The following RALYL variants were observed in gnomAD, a reference collection of about 807,000 sequenced individuals.
RALYL encodes the protein RNA-binding Raly-like protein.
Under a neutral mutation model 35.1 loss-of-function variants are expected in RALYL, and 29 were observed. The ratio of observed to expected loss-of-function variants is 0.83; its 90% CI spans 0.61 to 1.13. The LOEUF (loss-of-function observed/expected upper bound fraction) is 1.13. Ranked by LOEUF, RALYL falls within the 50% of genes most tolerant of loss-of-function variation. The pLI is 0.00. For missense variants in RALYL, 359 were observed against 360.4 expected (o/e 1.00, Z 0.03); for synonymous variants, 120 against 127.6 (o/e 0.94, Z 0.40).
intron 4 of RALYL, among the ~76,000 whole-genome samples, chr8:84,843,815 A>C (rs1201595130): frequency 6.6e-6 from 1 of 152,216 alleles, no homozygotes; most frequent in East Asian, 1.9e-4. Flanking sequence ...ATAATGCCGC[A>C]TAGCTACAAC....
chr8:84,839,140 G>A (rs771753615), intron 4 of RALYL, among the ~76,000 whole-genome samples: 6 of 152,152 alleles, frequency 3.9e-5, no homozygotes, highest in African/African-American at 9.7e-5. Flanking sequence ...TGAGTGCAGC[G>A]CACTGAGTGT....
rs550561153 is a variant in RALYL at position 84,534,624 on chromosome 8, T to C, written c.256+5047T>C. 1.4e-4 allele frequency among the ~76,000 whole-genome samples: 22 copies of C among 152,164 alleles called. No homozygotes were observed. The South Asian group carries it at 3.9e-3, about 27-fold the overall frequency. On this transcript the variant is annotated intron_variant, in intron 2 of 8. Transcript: ENST00000521268. ...ATAGATGGTTAGTAGGAGGAATGGA[T>C]GGACTTGGCTAAAGGGGTCCCTCAC...
At chr8:84,692,588 AAATT>A (rs748797755) in intron 2 of RALYL, among the ~76,000 whole-genome samples, 44 of 152,204 alleles carry the variant, frequency 2.9e-4, no homozygotes, top group South Asian at 1.0e-3. Flanking sequence ...TATTTCTCAC[AAATT>A]AATCTGTAGA....
chr8:84,303,937 T>C (rs1356477081), intron 1 of RALYL, among the ~76,000 whole-genome samples: 1 of 152,124 alleles, frequency 6.6e-6, no homozygotes, highest in Non-Finnish European at 1.5e-5. Context: ...ATAAAACTAA[T>C]GGGAACTTTC....
At chr8:84,534,295 T>C (rs1368239913) in intron 2 of RALYL, among the ~76,000 whole-genome samples, 1 of 152,222 alleles carries the variant, frequency 6.6e-6, no homozygotes, top group African/African-American at 2.4e-5. Flanking sequence ...CTTCCCCACT[T>C]AATCCCTTTT....
At chr8:84,292,002 AACAT>A (rs1387221789) in intron 1 of RALYL, among the ~76,000 whole-genome samples, 3 of 151,264 alleles carry the variant, frequency 2.0e-5, no homozygotes, top group African/African-American at 4.8e-5. Context: ...CTATATGTGG[AACAT>A]ACATATATAT....
chr8:84,415,808 C>T (rs1217837978), intron 1 of RALYL, among the ~76,000 whole-genome samples: 1 of 152,058 alleles, frequency 6.6e-6, no homozygotes, highest in African/African-American at 2.4e-5. Flanking sequence ...CTTAGTGTTT[C>T]TGTATTTGTA....
At chr8:84,506,733 G>A (rs1017609888) in intron 1 of RALYL, among the ~76,000 whole-genome samples, 1 of 151,792 alleles carries the variant, frequency 6.6e-6, no homozygotes, top group African/African-American at 2.4e-5. Flanking sequence ...TAATATCCCT[G>A]TACTGAGTTT....
At chr8:84,346,852 C>T (rs1849927345) in intron 1 of RALYL, among the ~76,000 whole-genome samples, 2 of 152,030 alleles carry the variant, frequency 1.3e-5, no homozygotes, top group African/African-American at 4.8e-5. Flanking sequence ...TAAGACCATA[C>T]ACAAATAAGT....
At chr8:84,350,898 G>C (rs967862427) in intron 1 of RALYL, among the ~76,000 whole-genome samples, 2 of 150,084 alleles carry the variant, frequency 1.3e-5, no homozygotes, top group African/African-American at 5.0e-5. Context: ...TGGTAAAATA[G>C]AATTATTTTA....
chr8:84,582,206 G>C (rs1439386004), intron 2 of RALYL, among the ~76,000 whole-genome samples: 1 of 152,042 alleles, frequency 6.6e-6, no homozygotes, highest in African/African-American at 2.4e-5. Flanking sequence ...AAGTGGTTAA[G>C]AAATTGCTAT....
intron 1 of RALYL, among the ~76,000 whole-genome samples, chr8:84,225,066 C>T (rs137917645): frequency 0.011 from 1,647 of 152,294 alleles, 33 homozygotes; most frequent in African/African-American, 0.038. Flanking sequence ...ACTTTGCTGT[C>T]TCAGTTGATG....
chr8:84,492,882 C>G (rs2055503351), intron 1 of RALYL, among the ~76,000 whole-genome samples: 1 of 147,432 alleles, frequency 6.8e-6, no homozygotes, highest in South Asian at 2.1e-4. Flanking sequence ...AGAGCACCTA[C>G]TTAGAGTAGA....
intron 1 of RALYL, among the ~76,000 whole-genome samples, chr8:84,505,287 A>T (rs2057067082): frequency 6.6e-6 from 1 of 152,070 alleles, no homozygotes; most frequent in Non-Finnish European, 1.5e-5. Flanking sequence ...TTTGCCTTAA[A>T]ATTTGATACC....
chr8:84,606,152 T>C (rs1293123663), intron 2 of RALYL, among the ~76,000 whole-genome samples: 1 of 152,150 alleles, frequency 6.6e-6, no homozygotes, highest in Non-Finnish European at 1.5e-5. Flanking sequence ...CCTATTCCTA[T>C]GGTGCTCTTG....
intron 1 of RALYL, among the ~76,000 whole-genome samples, chr8:84,200,524 CT>C (rs1487222062): frequency 2.0e-5 from 3 of 152,008 alleles, no homozygotes; most frequent in African/African-American, 7.2e-5. Context: ...GCAGTTTTTG[CT>C]AAGAATTTTA....
At chr8:84,656,897 A>G (rs1170009564) in intron 2 of RALYL, among the ~76,000 whole-genome samples, 3 of 152,140 alleles carry the variant, frequency 2.0e-5, no homozygotes, top group Non-Finnish European at 4.4e-5. Flanking sequence ...GATTATGATT[A>G]TTATAATTTT....
chr8:84,552,541 C>A (rs1393321577), intron 2 of RALYL, among the ~76,000 whole-genome samples: 1 of 151,128 alleles, frequency 6.6e-6, no homozygotes, highest in Non-Finnish European at 1.5e-5. Context: ...CAGAGGAGAA[C>A]AATTTCACTT....
chr8:84,684,662 C>T (rs1188275002), intron 2 of RALYL, among the ~76,000 whole-genome samples: 1 of 152,096 alleles, frequency 6.6e-6, no homozygotes, highest in Admixed American at 6.6e-5. Context: ...GAAAGGTATG[C>T]AGAATTAAAA....
Sources: allele counts gnomAD v4.1 joint callset (sites outside exome capture counted in the v4.1 genomes callset), GRCh38; gene constraint gnomAD v4.1.1; transcripts MANE v1.5; gene names NCBI Gene and HGNC (gene_info 2026-07-23, HGNC 2026-07-21).